SUMF1: variants seen among roughly 807,000 people sequenced by gnomAD.
SUMF1 encodes sulfatase modifying factor 1, also known as formylglycine-generating enzyme.
A neutral mutation model predicts 47.6 loss-of-function variants in SUMF1; 48 were observed. The observed-to-expected ratio is 1.01, with a 90% CI of 0.80 to 1.28. The LOEUF (loss-of-function observed/expected upper bound fraction) is 1.28. Among genes scored for constraint, SUMF1 ranks in the 50% most tolerant of loss-of-function variants. SUMF1 has a pLI of 0.00. For synonymous variants in SUMF1, 230 were observed against 192.1 expected (o/e 1.20, Z -1.63); for missense variants, 571 against 485.4 (o/e 1.18, Z -1.66).
intron 8 of SUMF1, among the ~76,000 whole-genome samples, chr3:4,355,048 C>T (rs959173345): frequency 1.3e-5 from 2 of 152,156 alleles, no homozygotes. Context: ...CGATGCTAAA[C>T]TGCCTTTTAA....
chr3:4,271,949 A>C (rs1697314217), intron 8 of SUMF1, among the ~76,000 whole-genome samples: 1 of 152,246 alleles, frequency 6.6e-6, no homozygotes, highest in Non-Finnish European at 1.5e-5. Flanking sequence ...AAGATAAGCC[A>C]AGAAAAAATA....
chr3:4,108,501 C>A (rs1375128176), intron 8 of SUMF1, among the ~76,000 whole-genome samples: 2 of 152,072 alleles, frequency 1.3e-5, no homozygotes, highest in Non-Finnish European at 2.9e-5. Context: ...TCTTGTTGAT[C>A]TGTCTAATGT....
chr3:4,330,287 C>G (rs764189238), intron 8 of SUMF1, among the ~76,000 whole-genome samples: 2 of 152,194 alleles, frequency 1.3e-5, no homozygotes, highest in South Asian at 2.1e-4. Flanking sequence ...CCCCACTCTA[C>G]CAGTACCAAT....
chr3:4,221,414 G>GGTGT (rs113359661), intron 8 of SUMF1, among the ~76,000 whole-genome samples: 3,178 of 148,154 alleles, frequency 0.021, 43 homozygotes, highest in African/African-American at 0.033. Flanking sequence ...GGTTTTTTGG[G>GGTGT]GTGTGTGTGT....
chr3:4,304,263 T>G (rs1698087896), intron 8 of SUMF1, among the ~76,000 whole-genome samples: 1 of 152,180 alleles, frequency 6.6e-6, no homozygotes, highest in Non-Finnish European at 1.5e-5. Flanking sequence ...TGCCTCAGCC[T>G]CCCGAGTAGC....
At chr3:4,316,328 A>G in intron 8 of SUMF1, 1 of 1,339,776 alleles carries the variant, frequency 7.5e-7, no homozygotes, top group Non-Finnish European at 1.0e-6. Context: ...TTGGCCCAGG[A>G]ACTGCTAACG....
intron 8 of SUMF1, among the ~76,000 whole-genome samples, chr3:4,071,307 G>T (rs1298194963): frequency 6.6e-6 from 1 of 152,150 alleles, no homozygotes; most frequent in African/African-American, 2.4e-5. Context: ...TGGACAGTGG[G>T]TGCAGCCCAC....
chr3:4,382,987 T>C (rs1381953596), intron 7 of SUMF1, among the ~76,000 whole-genome samples: 2 of 151,648 alleles, frequency 1.3e-5, no homozygotes, highest in East Asian at 3.9e-4. Context: ...GGTTGATGGG[T>C]GCAGCACACC....
At chr3:4,365,878 T>G (rs1351478486) in intron 8 of SUMF1, among the ~76,000 whole-genome samples, 1 of 152,182 alleles carries the variant, frequency 6.6e-6, no homozygotes, top group Non-Finnish European at 1.5e-5. Flanking sequence ...CCATATTTAG[T>G]GTTTCCTTCA....
chr3:4,151,346 A>G (rs1694317513), intron 8 of SUMF1, among the ~76,000 whole-genome samples: 2 of 147,942 alleles, frequency 1.4e-5, no homozygotes, highest in African/African-American at 2.5e-5. Flanking sequence ...AAAAACATAA[A>G]TATACATACA....
chr3:4,256,758 G>T (rs373429444), intron 8 of SUMF1, among the ~76,000 whole-genome samples: 16 of 152,142 alleles, frequency 1.1e-4, no homozygotes, highest in Admixed American at 3.9e-4. Flanking sequence ...TAACTCATTT[G>T]ATGAGGCCAG....
intron 8 of SUMF1, among the ~76,000 whole-genome samples, chr3:4,243,452 G>A (rs1696590715): frequency 6.6e-6 from 1 of 152,122 alleles, no homozygotes; most frequent in Admixed American, 6.5e-5. Context: ...AGAGATTATG[G>A]TATGTTGTGT....
intron 8 of SUMF1, among the ~76,000 whole-genome samples, chr3:4,319,799 A>G (rs9866572): frequency 0.43 from 66,074 of 152,062 alleles, 16,966 homozygotes; most frequent in African/African-American, 0.72. Context: ...TGGTACATCC[A>G]TATGATGGAA....
chr3:4,108,095 T>A (rs1693199868), intron 8 of SUMF1, among the ~76,000 whole-genome samples: 1 of 152,130 alleles, frequency 6.6e-6, no homozygotes, highest in South Asian at 2.1e-4. Flanking sequence ...AGGTTGCTAT[T>A]CATAAAGAGA....
intron 8 of SUMF1, among the ~76,000 whole-genome samples, chr3:4,288,356 G>A (rs1285443788): frequency 6.6e-6 from 1 of 152,124 alleles, no homozygotes; most frequent in East Asian, 1.9e-4. Flanking sequence ...TATTTTCTGT[G>A]TCTTTCTACT....
At chr3:4,258,288 T>C (rs1334871300) in intron 8 of SUMF1, among the ~76,000 whole-genome samples, 2 of 147,570 alleles carry the variant, frequency 1.4e-5, no homozygotes, top group Admixed American at 6.7e-5. Context: ...AAAGAGCTTC[T>C]GCACAGCAAA....
At chr3:4,357,182 G>C (rs561415195), downstream of SUMF1, among the ~76,000 whole-genome samples, 1 of 152,228 alleles carries the variant, frequency 6.6e-6, no homozygotes, top group Non-Finnish European at 1.5e-5. Context: ...GAGGGAAGGA[G>C]GGAGACAGAT....
At chr3:4,446,143 A>T (rs932457852) in intron 3 of SUMF1, among the ~76,000 whole-genome samples, 3 of 152,192 alleles carry the variant, frequency 2.0e-5, no homozygotes, top group Non-Finnish European at 2.9e-5. Context: ...AAAAGATTAG[A>T]TTATCACCAT....
chr3:4,316,178 A>G (rs1265116361), intron 8 of SUMF1: 3 of 641,060 alleles, frequency 4.7e-6, no homozygotes, highest in African/African-American at 3.6e-5. Context: ...TTTTTTGCTA[A>G]TGACATCTTA....
Sources: gnomAD v4.1 joint callset for allele counts (sites outside exome capture counted in the v4.1 genomes callset) on GRCh38, gnomAD v4.1.1 for gene constraint, MANE v1.5 for transcripts, NCBI Gene and HGNC (gene_info 2026-07-23, HGNC 2026-07-21) for gene names.